ITIH1: variants seen among roughly 807,000 people sequenced by gnomAD.
ITIH1 encodes the protein inter-alpha-trypsin inhibitor heavy chain H1.
In ITIH1, 94 loss-of-function variants were observed where a neutral mutation model predicts 104.6. The observed-to-expected ratio is 0.90, with a 90% CI of 0.76 to 1.07. The LOEUF (loss-of-function observed/expected upper bound fraction) is 1.07, where lower values mean the gene tolerates loss of function less well. Among genes scored for constraint, ITIH1 ranks in the 50% least tolerant of loss-of-function variants. The pLI is 0.00. For missense variants in ITIH1, 1,193 were observed against 1,181.4 expected (o/e 1.01, Z -0.14); for synonymous variants, 455 against 464.4 (o/e 0.98, Z 0.26).
Position 52,780,399 on chromosome 3 carries a change from G to A in ITIH1, c.687+17G>A. ...GGAAAAAAGGTACATGGGATAGCAA[G>A]GGGGTGGTGGTGGGCCCTTTGGAGA... On this transcript the variant is annotated intron_variant, in intron 6 of 21. Coordinates refer to ENST00000273283, the MANE Select transcript of ITIH1 (RefSeq NM_002215.4). 1 of 1,577,030 alleles carries A rather than the reference G, an allele frequency of 6.3e-7. No homozygotes were observed. Among genetic ancestry groups the A allele is most frequent in the Non-Finnish European group, 8.7e-7 (1 of 1,148,444 alleles).
At chr3:52,783,461 A>G (rs1699115975) in intron 10 of ITIH1, 122 bp downstream of exon 10, 16 of 1,034,888 alleles carry the variant, frequency 1.5e-5, no homozygotes, top group Middle Eastern at 3.1e-4. Context: ...TCAGGGCAAA[A>G]TCAAGCACTG....
chr3:52,791,496 G>A, intron 20 of ITIH1, 21 bp from the exon 21 acceptor site: 1 of 1,594,722 alleles, frequency 6.3e-7, no homozygotes, highest in South Asian at 1.1e-5. Context: ...GGTAACCGCT[G>A]TCTCCAATGT....
chr3:52,787,315 C>A, intron 15 of ITIH1, 113 bp downstream of exon 15: 1 of 1,429,606 alleles, frequency 7.0e-7, no homozygotes, highest in Non-Finnish European at 9.9e-7. Context: ...TGACTCCACT[C>A]CTTCCCGTTC....
rs150275930 is a variant in ITIH1 at position 52,790,805 on chromosome 3, G to A, written c.2378G>A (p.Gly793Asp). 28 of 1,612,922 alleles carry A rather than the reference G, an allele frequency of 1.7e-5. No individual in the cohort carries two copies. In the African/African-American group the frequency reaches 2.7e-4, roughly 15 times the overall value. The part of the protein sequence containing the change: ...RNLVVSVDDG[G>D]TFEVVLHRVW... ...CTGGTGGTGTCTGTGGACGACGGTGGCACCTTTGAGGTTGTTTTGCACCGA... is the reference window on the plus strand; with the variant it reads ...CTGGTGGTGTCTGTGGACGACGGTGACACCTTTGAGGTTGTTTTGCACCGA... The change falls in exon 20 of 22, where the codon GGC becomes GAC. Residue 793 changes from glycine (G) to aspartate (D), a missense_variant. Gly to Asp is a moderately conservative substitution (Grantham distance 94). Coordinates refer to ENST00000273283, the MANE Select transcript of ITIH1 (RefSeq NM_002215.4).
At chr3:52,777,753 G>C (rs764602645) in intron 1 of ITIH1, 21 bp downstream of exon 1, 1 of 1,548,696 alleles carries the variant, frequency 6.5e-7, no homozygotes. Context: ...AAGCCCACAG[G>C]GCAGAAATAG....
rs1166423715 is a variant in ITIH1 at position 52,780,347 on chromosome 3, G to T, written c.652G>T (p.Ala218Ser). The change falls in exon 6 of 22, where the codon GCC (alanine) becomes TCC (serine). Residue 218 changes from alanine (A) to serine (S), a missense_variant. By Grantham distance (99) the Ala-to-Ser change is moderately conservative. Transcript: ENST00000273283. ...QASFLPKELAAQTIKKSFSGK... is the reference protein window; with the variant it reads ...QASFLPKELASQTIKKSFSGK... ...CTCTTTCCTGCCGAAGGAACTGGCA[G>T]CCCAAACTATCAAGAAGTCCTTCTC... 1 of 1,614,050 alleles carries T rather than the reference G, an allele frequency of 6.2e-7. No individual in the cohort carries two copies. Among genetic ancestry groups the T allele is most frequent in the Admixed American group, 1.7e-5 (1 of 60,008 alleles).
Position 52,791,955 on chromosome 3 carries a change from A to G in ITIH1, c.*44A>G, listed in dbSNP as rs1310687494. On this transcript the variant is annotated 3_prime_UTR_variant, in exon 22 of 22. Transcript: ENST00000273283. ...CTGTCCTCCCCCGGGGCCAAGGCAG[A>G]GGAGGAGGACGACATCCTGACCTGC... 6.3e-7 allele frequency: 1 copy of G among 1,579,274 alleles called. No individual in the cohort carries two copies. The highest frequency in any genetic ancestry group is 8.6e-7 in the Non-Finnish European group (1 of 1,160,238).
chr3:52,778,320 T>G lies in ITIH1; in HGVS notation c.139-20T>G, dbSNP rs1464520550. On this transcript the variant is annotated intron_variant, in intron 2 of 21. Transcript: ENST00000273283. ...CAGAGGCCCTGTCTCAGGCCACAGC[T>G]CCTTCATGTCTCACTTTAGGCTGTC... 1 of 1,613,076 alleles carries G rather than the reference T, an allele frequency of 6.2e-7. No homozygotes were observed. The highest frequency in any genetic ancestry group is 8.5e-7 in the Non-Finnish European group (1 of 1,179,164).
chr3:52,791,037 G>C, intron 20 of ITIH1, 116 bp downstream of exon 20: 1 of 1,076,406 alleles, frequency 9.3e-7, no homozygotes, highest in Non-Finnish European at 1.3e-6. Context: ...CCCACCTCCA[G>C]TGTGGCCTCC....
Position 52,786,354 on chromosome 3 carries a change from C to T in ITIH1, c.1653C>T (p.Leu551=). ...ATGAGGAGGAGATGAAGAAACTGCT[C>T]CGAGAGCGTGGCCACATGCTGGAGA... ...LVDEEEMKKL[L]RERGHMLENH... Residue 551 remains leucine, a synonymous_variant, in exon 13 of 22, where the codon CTC becomes CTT. Transcript: ENST00000273283. The T allele has an allele frequency of 6.3e-7, 1 of 1,576,760 alleles. No homozygotes were observed. The highest frequency in any genetic ancestry group is 8.6e-7 in the Non-Finnish European group (1 of 1,160,478).
rs1411309642 is a variant in ITIH1 at position 52,788,294 on chromosome 3, A to C, written c.2068A>C (p.Ile690Leu). 3.1e-6 allele frequency: 5 copies of C among 1,611,724 alleles called. No individual in the cohort carries two copies. Among genetic ancestry groups the C allele is most frequent in the Non-Finnish European group, 4.2e-6 (5 of 1,179,034 alleles). The change falls in exon 18 of 22, where the codon ATC (isoleucine) becomes CTC (leucine). Residue 690 changes from isoleucine (I) to leucine (L), a missense_variant. Coordinates refer to ENST00000273283, the MANE Select transcript of ITIH1 (RefSeq NM_002215.4). ...GAAAGAGGACACCCTGTGCTTCAAC[A>C]TCAATGAGGAGCCTGGTGTTATCCT... Reference protein sequence around the residue: ...PQKEDTLCFNINEEPGVILSL... With the variant: ...PQKEDTLCFNLNEEPGVILSL...
intron 3 of ITIH1, 103 bp from the exon 4 acceptor site, chr3:52,778,839 G>A (rs1206495314): frequency 1.2e-5 from 13 of 1,070,962 alleles, no homozygotes; most frequent in East Asian, 2.4e-5. Flanking sequence ...TGGAAGGCTC[G>A]TCAGGAGACG....
chr3:52,781,281 T>TTCC (rs1699049949), intron 6 of ITIH1, among the ~76,000 whole-genome samples: 1 of 135,346 alleles, frequency 7.4e-6, no homozygotes, highest in Admixed American at 7.6e-5. Flanking sequence ...CTTCTTCTTC[T>TTCC]TCTTCCTCTT....
At chr3:52,777,874 C>T in intron 1 of ITIH1, 123 bp from the exon 2 acceptor site, 17 of 1,401,670 alleles carry the variant, frequency 1.2e-5, no homozygotes, top group Non-Finnish European at 1.7e-5. Context: ...CCTCCCAGCA[C>T]CACCAAGGAG....
chr3:52,783,395 T>C, intron 10 of ITIH1, 56 bp downstream of exon 10: 1 of 1,581,180 alleles, frequency 6.3e-7, no homozygotes, highest in Non-Finnish European at 8.6e-7. Flanking sequence ...ACCCGAGACA[T>C]GCAAGCTGAA....
At chr3:52,778,814 T>C in intron 3 of ITIH1, 128 bp from the exon 4 acceptor site, 1 of 1,035,946 alleles carries the variant, frequency 9.7e-7, no homozygotes, top group Non-Finnish European at 1.4e-6. Flanking sequence ...GACCCCTGAG[T>C]TCCACCATGG....
intron 3 of ITIH1, 62 bp from the exon 4 acceptor site, chr3:52,778,880 C>T: frequency 7.8e-7 from 1 of 1,274,620 alleles, no homozygotes; most frequent in Non-Finnish European, 1.1e-6. Flanking sequence ...TGGACAGGCC[C>T]TCTCAGGACC....
intron 18 of ITIH1, among the ~76,000 whole-genome samples, chr3:52,788,881 C>A (rs1382796847): frequency 2.0e-5 from 3 of 152,154 alleles, no homozygotes; most frequent in Non-Finnish European, 4.4e-5. Context: ...TCTTCCGTTG[C>A]CGCCTTGAAA....
chr3:52,789,325 T>A (rs1699285655), intron 18 of ITIH1, among the ~76,000 whole-genome samples: 2 of 151,940 alleles, frequency 1.3e-5, no homozygotes, highest in East Asian at 1.9e-4. Flanking sequence ...CACAATGCAT[T>A]TCCAGCACAA....
Sources: gnomAD v4.1 joint callset for allele counts (sites outside exome capture counted in the v4.1 genomes callset) on GRCh38, gnomAD v4.1.1 for gene constraint, MANE v1.5 for transcripts, NCBI Gene and HGNC (gene_info 2026-07-23, HGNC 2026-07-21) for gene names.